Variants in MUC6 observed in about 807,000 individuals in gnomAD.
MUC6 encodes the protein mucin 6, oligomeric mucus/gel-forming (gene/pseudogene).
Under a neutral mutation model 201.5 loss-of-function variants are expected in MUC6, and 188 were observed. The ratio of observed to expected loss-of-function variants is 0.93; its 90% confidence interval spans 0.83 to 1.05. The LOEUF (loss-of-function observed/expected upper bound fraction) is 1.05. MUC6 is among the 50% of genes least tolerant of loss of function. The probability of loss-of-function intolerance (pLI) is 0.00; values close to 1 mark genes in which losing one functional copy is unlikely to be tolerated. For synonymous variants in MUC6, 1,228 were observed against 1,389.4 expected (o/e 0.88, Z 2.58); for missense variants, 2,706 against 3,256.9 (o/e 0.83, Z 4.12).
chr11:1,027,311 A>T lies in MUC6; in HGVS notation c.2188T>A (p.Phe730Ile). ...ACAGTGGACTGCTCGGCCAGGATGA[A>T]CTTGTAACCCTCCAGTATGCACGGG... ...QCPCILEGYKFILAEQSTVIN... is the reference protein window; with the variant it reads ...QCPCILEGYKIILAEQSTVIN... Residue 730 changes from phenylalanine (F) to isoleucine (I), a missense_variant, in exon 17 of 33, where the codon TTC (phenylalanine) becomes ATC (isoleucine). Physicochemically the swap from Phe to Ile is conservative, Grantham distance 21. Coordinates refer to ENST00000421673, the MANE Select transcript of MUC6 (RefSeq NM_005961.3). 1 of 1,612,866 alleles carries T rather than the reference A, an allele frequency of 6.2e-7. No individual in the cohort carries two copies. Among genetic ancestry groups the T allele is most frequent in the Middle Eastern group, 1.6e-4 (1 of 6,062 alleles).
intron 4 of MUC6, 93 bp from the exon 5 acceptor site, chr11:1,031,352 C>T (rs998720766): frequency 7.9e-7 from 1 of 1,266,198 alleles, no homozygotes; most frequent in Non-Finnish European, 1.1e-6. Flanking sequence ...ACCCAGAGCC[C>T]CCACCATCCC....
At chr11:1,024,205 C>T (rs1161397980) in intron 24 of MUC6, 102 bp from the exon 25 acceptor site, 23 of 1,362,814 alleles carry the variant, frequency 1.7e-5, no homozygotes, top group Admixed American at 1.6e-4. Flanking sequence ...CGGAGTGTGG[C>T]GGTAAGGGCG....
rs763220048 is a variant in MUC6, at chr11:1,025,236, C to T, written c.2931G>A (p.Thr977=). The T allele has an allele frequency of 1.3e-5, 21 of 1,612,660 alleles. No individual in the cohort carries two copies. Among genetic ancestry groups the T allele is most frequent in the Admixed American group, 5.0e-5 (3 of 60,002 alleles). Residue 977 remains threonine (T), a synonymous_variant, in exon 23 of 33, where the codon ACG becomes ACA. Transcript: ENST00000421673. The stretch of plus-strand genomic sequence containing the variant: ...TGGTCATGTGCCTGTTCCAGATGAG[C>T]GTCAGGTTGTACCTCCCGGGGATGC... ...DISIPGRYNL[T]LIWNRHMTIL... is the part of the protein sequence containing the mutation.
At position 1,029,674 on chromosome 11, in the gene MUC6, C is replaced by T. The variant is rs1177502602; in HGVS notation, c.1016-59G>A. The stretch of plus-strand genomic sequence containing the variant: ...GACTGACTGCCTCCCACTCTCCCCT[C>T]CCTGGCTCCAGGGAGACGCCCCCTC... On this transcript the variant is annotated intron_variant, in intron 8 of 32. Coordinates refer to ENST00000421673, the MANE Select transcript of MUC6 (RefSeq NM_005961.3). 2.6e-6 allele frequency: 4 copies of T among 1,510,974 alleles called. No individual in the cohort carries two copies. The Admixed American group carries it at 6.5e-5, about 25-fold the overall frequency. The allele number at this position is 1,510,974 out of a possible 1,614,324, so 93.6% of individuals were successfully genotyped here.
intron 26 of MUC6, 121 bp downstream of exon 26, chr11:1,023,386 ATG>A (rs879870864): frequency 2.3e-4 from 282 of 1,235,070 alleles, no homozygotes; most frequent in East Asian, 8.5e-4. Context: ...AAATTAATGA[ATG>A]TGTGAATTAA....
Position 1,030,960 on chromosome 11 carries a change from C to G in MUC6, c.671G>C (p.Arg224Pro), listed in dbSNP as rs771729965. 6.3e-7 allele frequency: 1 copy of G among 1,577,622 alleles called. No homozygotes were observed. Among genetic ancestry groups the G allele is most frequent in the East Asian group, 2.3e-5 (1 of 43,068 alleles). Residue 224 changes from arginine to proline, a missense_variant, in exon 6 of 33, where the codon CGG becomes CCG. Physicochemically the swap from Arg to Pro is moderately radical, Grantham distance 103. Transcript: ENST00000421673. The part of the protein sequence containing the change: ...TFQDIPSTHV[R>P]QAQHARICTQ... ...CCCCTTGCTTACGTGCTGGGCCTGC[C>G]GGACGTGGGTGCTGGGGATGTCCTG...
In MUC6 at chr11:1,030,613, C is replaced by T. The variant is rs1213102903; in HGVS notation, c.852G>A (p.Val284=). ...TCCGCCAGCGGCGGACCGGCTGGCC[C>T]ACCATGCTGCACTGGCGGGAGTACT... ...LSEYSRQCSM[V]GQPVRRWRSP... The change falls in exon 7 of 33, where the codon GTG becomes GTA. Residue 284 remains valine (V), a synonymous_variant. Coordinates refer to ENST00000421673, the MANE Select transcript of MUC6 (RefSeq NM_005961.3). 4.6e-6 allele frequency: 7 copies of T among 1,533,748 alleles called. No individual in the cohort carries two copies. Among genetic ancestry groups the T allele is most frequent in the Non-Finnish European group, 6.1e-6 (7 of 1,139,882 alleles).
intron 1 of MUC6, among the ~76,000 whole-genome samples, chr11:1,035,745 C>T (rs951644802): frequency 6.6e-6 from 1 of 152,122 alleles, no homozygotes; most frequent in Non-Finnish European, 1.5e-5. Context: ...GCTCCGAGGG[C>T]GAGCTCTGTC....
Position 1,019,400 on chromosome 11 carries a change from G to T in MUC6, c.3905C>A (p.Thr1302Asn), listed in dbSNP as rs1429698249. The T allele has an allele frequency of 6.2e-7, 1 of 1,613,812 alleles. No homozygotes were observed. The highest frequency in any genetic ancestry group is 8.5e-7 in the Non-Finnish European group (1 of 1,179,738). Residue 1302 changes from threonine (T) to asparagine (N), a missense_variant, in exon 30 of 33, where the codon ACC (threonine) becomes AAC (asparagine). Coordinates refer to ENST00000421673, the MANE Select transcript of MUC6 (RefSeq NM_005961.3). ...LRSTATKPTVTQATTRATAST... is the reference protein window; with the variant it reads ...LRSTATKPTVNQATTRATAST... ...CGCCGTGGCCCTGGTTGTGGCCTGG[G>T]TCACTGTGGGTTTTGTGGCTGTCGA...
At chr11:1,030,469 A>T (rs931254471) in intron 7 of MUC6, 104 bp downstream of exon 7, 385 of 1,419,086 alleles carry the variant, frequency 2.7e-4, no homozygotes, top group Admixed American at 5.0e-4. Flanking sequence ...TGTCTCTCAG[A>T]CCAGGAGGGA....
intron 20 of MUC6, 34 bp from the exon 21 acceptor site, chr11:1,026,175 C>A: frequency 6.4e-7 from 1 of 1,569,062 alleles, no homozygotes; most frequent in Non-Finnish European, 8.6e-7. Context: ...GGTGGGCCTG[C>A]GGCCCTCCTG....
At chr11:1,030,361 G>C (rs1272618577) in intron 7 of MUC6, 26 bp from the exon 8 acceptor site, 2 of 1,542,882 alleles carry the variant, frequency 1.3e-6, no homozygotes, top group Non-Finnish European at 1.7e-6. Flanking sequence ...GCTCCGGTGA[G>C]AGGGTCCCAC....
intron 1 of MUC6, among the ~76,000 whole-genome samples, chr11:1,035,359 G>C (rs1857193950): frequency 6.6e-6 from 1 of 152,216 alleles, no homozygotes; most frequent in African/African-American, 2.4e-5. Context: ...TCTGCTGCAA[G>C]TTTAGCCCCA....
rs891755271 is a variant in MUC6 at position 1,031,637 on chromosome 11, TTCCAGC to T, written c.447_452del (p.Leu150_Glu151del). 1.6e-5 allele frequency: 25 copies of T among 1,549,916 alleles called. No homozygotes were observed. In the African/African-American group the frequency reaches 1.8e-4, roughly 11 times the overall value. ...GGTGGCTGTCAGGACCCCACACGAC[TTCCAGC>T]TCCAGCTCCAGCTGCTTGGCCACCA... On this transcript the variant is annotated inframe_deletion, in exon 4 of 33. Transcript: ENST00000421673.
At chr11:1,034,391 C>T (rs1279053404) in intron 1 of MUC6, among the ~76,000 whole-genome samples, 2 of 152,208 alleles carry the variant, frequency 1.3e-5, no homozygotes, top group East Asian at 3.8e-4. Flanking sequence ...CGAGCACCTA[C>T]CCCCTCACTC....
intron 1 of MUC6, among the ~76,000 whole-genome samples, chr11:1,035,239 G>A (rs2133840540): frequency 6.6e-6 from 1 of 152,304 alleles, no homozygotes; most frequent in Non-Finnish European, 1.5e-5. Context: ...ACCCCCACTT[G>A]GCCCTCCACC....
chr11:1,016,298 G>T lies in MUC6; in HGVS notation c.6503C>A (p.Ala2168Asp), dbSNP rs766139807. The change falls in exon 31 of 33, where the codon GCC (alanine) becomes GAC (aspartate). Residue 2168 changes from alanine (A) to aspartate (D), a missense_variant. Coordinates refer to ENST00000421673, the MANE Select transcript of MUC6 (RefSeq NM_005961.3). ...SVGTSSSFVS[A>D]PVHSTTLSSG... Reference sequence around the variant, plus strand: ...GCTCAGGGTTGTGGAGTGCACGGGGGCGGACACGAAAGAGGAAGATGTGCC... The same window carrying T: ...GCTCAGGGTTGTGGAGTGCACGGGGTCGGACACGAAAGAGGAAGATGTGCC... 1 of 1,612,144 alleles carries T rather than the reference G, an allele frequency of 6.2e-7. No individual in the cohort carries two copies. Among genetic ancestry groups the T allele is most frequent in the South Asian group, 1.1e-5 (1 of 90,800 alleles).
At chr11:1,022,670 G>T (rs1856843364) in intron 26 of MUC6, among the ~76,000 whole-genome samples, 1 of 152,242 alleles carries the variant, frequency 6.6e-6, no homozygotes, top group African/African-American at 2.4e-5. Context: ...AGGACTGTTT[G>T]TTTTGTGTAA....
At chr11:1,028,511 C>T (rs890631401) in intron 13 of MUC6, 124 bp from the exon 14 acceptor site, 53 of 1,530,400 alleles carry the variant, frequency 3.5e-5, no homozygotes, top group Middle Eastern at 1.7e-4. Context: ...GTGGGCCACA[C>T]GTGCCTGTTA....
Sources: gnomAD v4.1 joint callset for allele counts (sites outside exome capture counted in the v4.1 genomes callset) on GRCh38, gnomAD v4.1.1 for gene constraint, MANE v1.5 for transcripts, NCBI Gene and HGNC (gene_info 2026-07-23, HGNC 2026-07-21) for gene names.